Variants in PDGFD observed in about 807,000 individuals in gnomAD.
PDGFD encodes the protein platelet derived growth factor D, also known as platelet-derived growth factor D.
Under a neutral mutation model 44.7 loss-of-function variants are expected in PDGFD, and 30 were observed. The ratio of observed to expected loss-of-function variants is 0.67; its 90% confidence interval spans 0.50 to 0.91. The LOEUF is 0.91. Ranked by LOEUF, PDGFD falls within the 40% of genes least tolerant of loss-of-function variation. The probability of loss-of-function intolerance (pLI) is 0.00; values close to 1 mark genes in which losing one functional copy is unlikely to be tolerated. For synonymous variants in PDGFD, 173 were observed against 168.4 expected, an observed-to-expected ratio of 1.03 and a Z score of -0.21; for missense variants, 445 against 457.8, an observed-to-expected ratio of 0.97 and a Z score of 0.25.
chr11:103,926,773 G>T, intron 6 of PDGFD, 139 bp downstream of exon 6: 1 of 847,842 alleles, frequency 1.2e-6, no homozygotes, highest in Non-Finnish European at 1.8e-6. Flanking sequence ...AACCTAGTGT[G>T]GGTAGAATTT....
intron 1 of PDGFD, among the ~76,000 whole-genome samples, chr11:104,034,578 G>C (rs1565315935): frequency 6.6e-6 from 1 of 151,902 alleles, no homozygotes; most frequent in Non-Finnish European, 1.5e-5. Context: ...CGACTATCTT[G>C]GTTCATAAGT....
intron 1 of PDGFD, among the ~76,000 whole-genome samples, chr11:104,078,631 A>G (rs948002926): frequency 4.8e-5 from 3 of 62,764 alleles, no homozygotes; most frequent in Non-Finnish European, 8.2e-5. Flanking sequence ...GAAAAATCCA[A>G]TAAAATCTCA....
At chr11:103,999,393 C>T (rs1859585484) in intron 2 of PDGFD, among the ~76,000 whole-genome samples, 1 of 152,150 alleles carries the variant, frequency 6.6e-6, no homozygotes, top group South Asian at 2.1e-4. Context: ...CAAAGAACAA[C>T]AGTCCAGGCT....
intron 1 of PDGFD, among the ~76,000 whole-genome samples, chr11:104,052,231 A>G (rs543851349): frequency 6.6e-6 from 1 of 152,306 alleles, no homozygotes; most frequent in African/African-American, 2.4e-5. Context: ...ATGCTTTTAA[A>G]CTGCAATGTT....
intron 1 of PDGFD, among the ~76,000 whole-genome samples, chr11:104,110,575 G>C (rs1036651344): frequency 1.3e-5 from 2 of 150,634 alleles, no homozygotes; most frequent in Admixed American, 1.3e-4. Context: ...CATACATAGA[G>C]ACAAGAAACT....
At position 104,046,393 on chromosome 11, in the gene PDGFD, C is replaced by T. The variant is rs376079546; in HGVS notation, c.125-46138G>A. 4.7e-5 allele frequency among the ~76,000 whole-genome samples: 7 copies of T among 147,762 alleles called. 1 individual carries two copies. Among genetic ancestry groups the T allele is most frequent in the South Asian group, 2.3e-4 (1 of 4,386 alleles). Reference sequence around the variant, plus strand: ...CATTCTATCAGAAATGACTGCATAACGTTAAAGCAACAGATGGGTAGTTAG... The same window carrying T: ...CATTCTATCAGAAATGACTGCATAATGTTAAAGCAACAGATGGGTAGTTAG... On this transcript the variant is annotated intron_variant, in intron 1 of 6. Coordinates refer to ENST00000393158, the MANE Select transcript of PDGFD (RefSeq NM_025208.5).
Position 103,916,242 on chromosome 11 carries a change from C to T in PDGFD, c.988-6423G>A, listed in dbSNP as rs550587267. On this transcript the variant is annotated intron_variant, in intron 6 of 6. Transcript: ENST00000393158. ...TCTACGAAGAACTTAAACAAATTTA[C>T]AAGAAAAAAACAACCCCGTCAAAAT... Among the ~76,000 whole-genome samples, 52 of 152,066 alleles carry T rather than the reference C, an allele frequency of 3.4e-4. No homozygotes were observed. In the South Asian group the frequency reaches 7.5e-3, roughly 22 times the overall value.
At chr11:104,053,818 A>G (rs1043348748) in intron 1 of PDGFD, among the ~76,000 whole-genome samples, 6 of 152,226 alleles carry the variant, frequency 3.9e-5, no homozygotes, top group African/African-American at 1.4e-4. Flanking sequence ...ATAAAATTGG[A>G]TGGAACAATG....
intron 1 of PDGFD, among the ~76,000 whole-genome samples, chr11:104,151,435 G>T (rs542787079): frequency 6.6e-6 from 1 of 152,190 alleles, no homozygotes; most frequent in African/African-American, 2.4e-5. Context: ...TAGAATTGTT[G>T]TATATTAATG....
chr11:103,950,590 A>G (rs1858740132), intron 3 of PDGFD, among the ~76,000 whole-genome samples: 1 of 151,796 alleles, frequency 6.6e-6, no homozygotes. Context: ...AAATAAATAA[A>G]TAAATAAGAA....
intron 1 of PDGFD, among the ~76,000 whole-genome samples, chr11:104,044,298 G>C (rs1224773488): frequency 6.6e-6 from 1 of 152,134 alleles, no homozygotes; most frequent in African/African-American, 2.4e-5. Context: ...CATAAGTTTA[G>C]TGCTAGTATC....
At chr11:104,011,433 T>G (rs1859785495) in intron 1 of PDGFD, among the ~76,000 whole-genome samples, 1 of 152,134 alleles carries the variant, frequency 6.6e-6, no homozygotes, top group Non-Finnish European at 1.5e-5. Context: ...TTCAGTGCTA[T>G]TTACGGATTA....
At chr11:103,962,192 T>C (rs1591096554) in intron 3 of PDGFD, among the ~76,000 whole-genome samples, 1 of 152,188 alleles carries the variant, frequency 6.6e-6, no homozygotes, top group African/African-American at 2.4e-5. Flanking sequence ...TTAGGAGTCA[T>C]TCCTTATTTT....
At chr11:104,050,088 T>C (rs1860506688) in intron 1 of PDGFD, among the ~76,000 whole-genome samples, 1 of 152,130 alleles carries the variant, frequency 6.6e-6, no homozygotes, top group Non-Finnish European at 1.5e-5. Flanking sequence ...GGTTATACGT[T>C]ATATGTCCAG....
chr11:103,963,143 C>A (rs1448341499), intron 3 of PDGFD, among the ~76,000 whole-genome samples: 1 of 152,168 alleles, frequency 6.6e-6, no homozygotes, highest in African/African-American at 2.4e-5. Context: ...GTGCCTGTCA[C>A]ATAGAAAGTC....
At chr11:104,083,317 A>G (rs1861074574) in intron 1 of PDGFD, among the ~76,000 whole-genome samples, 1 of 152,110 alleles carries the variant, frequency 6.6e-6, no homozygotes, top group Non-Finnish European at 1.5e-5. Context: ...AGCTAAAATG[A>G]TATGTGGGAG....
intron 1 of PDGFD, among the ~76,000 whole-genome samples, chr11:104,097,561 C>T (rs971234992): frequency 6.6e-6 from 1 of 152,228 alleles, no homozygotes; most frequent in African/African-American, 2.4e-5. Flanking sequence ...TAGGATCCAG[C>T]CCTCAAATGG....
intron 1 of PDGFD, among the ~76,000 whole-genome samples, chr11:104,114,088 T>A (rs1215893603): frequency 2.0e-5 from 3 of 152,136 alleles, no homozygotes; most frequent in African/African-American, 4.8e-5. Flanking sequence ...AAGTAGAAAA[T>A]TTTTAATTTT....
At chr11:104,075,859 C>T (rs755361533) in intron 1 of PDGFD, among the ~76,000 whole-genome samples, 65 of 152,078 alleles carry the variant, frequency 4.3e-4, no homozygotes, top group Non-Finnish European at 8.1e-4. Flanking sequence ...CGCTGAACAC[C>T]GGAATTATTG....
Sources: allele counts gnomAD v4.1 joint callset (sites outside exome capture counted in the v4.1 genomes callset), GRCh38; gene constraint gnomAD v4.1.1; transcripts MANE v1.5; gene names NCBI Gene and HGNC (gene_info 2026-07-23, HGNC 2026-07-21).